SLC22A25: variants seen among roughly 807,000 people sequenced by gnomAD.
SLC22A25 encodes MGI:2442751, MGI:2385316, MGI:3042283, MGI:3645714, MGI:3605624, MGI:2442750.
A neutral mutation model predicts 45.9 loss-of-function variants in SLC22A25; 44 were observed. The observed-to-expected ratio is 0.96, with a 90% CI of 0.75 to 1.23. The LOEUF (loss-of-function observed/expected upper bound fraction) is 1.23. Among genes scored for constraint, SLC22A25 ranks in the 50% most tolerant of loss-of-function variants. SLC22A25 has a pLI of 0.00. For missense variants in SLC22A25, 800 were observed against 666.4 expected (o/e 1.20, Z -2.21); for synonymous variants, 283 against 238.6 (o/e 1.19, Z -1.72).
chr11:63,234,925 G>A (rs1565129103), intron 3 of SLC22A25, among the ~76,000 whole-genome samples: 1 of 152,098 alleles, frequency 6.6e-6, no homozygotes, highest in Admixed American at 6.6e-5. Context: ...ATGAAATTCT[G>A]GGTTGAAAAT....
In SLC22A25 at chr11:63,161,413, A is replaced by G. The variant is rs1744412791; in HGVS notation, c.*2411T>C. Among the ~76,000 whole-genome samples, 1 of 152,132 alleles carries G rather than the reference A, an allele frequency of 6.6e-6. No homozygotes were observed. The highest frequency in any genetic ancestry group is 1.5e-5 in the Non-Finnish European group (1 of 67,992). On this transcript the variant is annotated 3_prime_UTR_variant, in exon 12 of 12. Coordinates refer to ENST00000306494, the MANE Select transcript of SLC22A25 (RefSeq NM_199352.6). Reference sequence around the variant, plus strand: ...GAGGACATGAGATTTGGGAGGGGCCAGGGGCAGAATGATATGGTTTGACTG... The same window carrying G: ...GAGGACATGAGATTTGGGAGGGGCCGGGGGCAGAATGATATGGTTTGACTG...
intron 3 of SLC22A25, among the ~76,000 whole-genome samples, chr11:63,234,626 AG>A (rs2090131205): frequency 6.6e-6 from 1 of 152,204 alleles, no homozygotes; most frequent in South Asian, 2.1e-4. Context: ...TGGAGCATTT[AG>A]CCCATTTACA....
At chr11:63,173,244 C>T (rs965467964) in intron 9 of SLC22A25, among the ~76,000 whole-genome samples, 2 of 151,954 alleles carry the variant, frequency 1.3e-5, no homozygotes, top group African/African-American at 4.8e-5. Flanking sequence ...GGTGGGAGAG[C>T]ATTGGGACAA....
At chr11:63,204,541 A>G (rs995700637) in intron 7 of SLC22A25, among the ~76,000 whole-genome samples, 1 of 152,198 alleles carries the variant, frequency 6.6e-6, no homozygotes, top group African/African-American at 2.4e-5. Flanking sequence ...CTTTAAACCA[A>G]AAAAGATCAA....
At position 63,161,115 on chromosome 11, in the gene SLC22A25, A is replaced by G. The variant is rs1939762; in HGVS notation, c.*2709T>C. Among the ~76,000 whole-genome samples, 152,210 of 152,278 alleles carry G rather than the reference A, an allele frequency of 1. 76,072 individuals are homozygous for G. Among genetic ancestry groups the G allele is most frequent in the Non-Finnish European group, 1 (68,040 of 68,040 alleles). On this transcript the variant is annotated 3_prime_UTR_variant, in exon 12 of 12. Coordinates refer to ENST00000306494, the MANE Select transcript of SLC22A25 (RefSeq NM_199352.6). Reference sequence around the variant, plus strand: ...TGAGGCCTCACAATCATGGTGGAAGACGATTCCCATGTAGTCAGTGCCTTT... The same window carrying G: ...TGAGGCCTCACAATCATGGTGGAAGGCGATTCCCATGTAGTCAGTGCCTTT...
chr11:63,200,949 A>G (rs1259701488), intron 7 of SLC22A25, among the ~76,000 whole-genome samples: 1 of 152,216 alleles, frequency 6.6e-6, no homozygotes, highest in African/African-American at 2.4e-5. Context: ...ACAGCTAACT[A>G]AGGAGGTGAA....
At chr11:63,225,092 C>G (rs1340211006) in intron 5 of SLC22A25, among the ~76,000 whole-genome samples, 2 of 151,902 alleles carry the variant, frequency 1.3e-5, no homozygotes, top group East Asian at 3.9e-4. Flanking sequence ...GAGCAAGACT[C>G]CGTCTCAAAA....
At chr11:63,174,901 G>C (rs183150962) in intron 9 of SLC22A25, among the ~76,000 whole-genome samples, 1 of 152,124 alleles carries the variant, frequency 6.6e-6, no homozygotes, top group Admixed American at 6.6e-5. Context: ...TTGTCCTTCT[G>C]TCCTGGCATA....
rs372166969 is a variant in SLC22A25, at chr11:63,189,263, C to G, written c.831-5446G>C. The stretch of plus-strand genomic sequence containing the variant: ...GCACATATATATTTAGGATAGTTAG[C>G]TCTTCTTGTTGAATTGACCCCTTTA... On this transcript the variant is annotated intron_variant, in intron 7 of 11. Coordinates refer to ENST00000306494, the MANE Select transcript of SLC22A25 (RefSeq NM_199352.6). Among the ~76,000 whole-genome samples the G allele has an allele frequency of 4.2e-4, 64 of 152,288 alleles. 1 individual carries two copies. In the East Asian group the frequency reaches 0.012, roughly 29 times the overall value.
chr11:63,170,851 GACACAA>G (rs781201079), intron 9 of SLC22A25, among the ~76,000 whole-genome samples: 45 of 150,798 alleles, frequency 3.0e-4, no homozygotes, highest in Non-Finnish European at 5.7e-4. Flanking sequence ...ACCTGGCAGA[GACACAA>G]CCAGAAAAGA....
chr11:63,240,697 T>C (rs1419232073), intron 1 of SLC22A25, among the ~76,000 whole-genome samples: 1 of 152,218 alleles, frequency 6.6e-6, no homozygotes, highest in East Asian at 1.9e-4. Flanking sequence ...AAGACCAAAC[T>C]CTCACATTGG....
chr11:63,237,061 T>A lies in SLC22A25; in HGVS notation c.-445+820A>T, dbSNP rs1266385027. Among the ~76,000 whole-genome samples the A allele has an allele frequency of 2.0e-5, 3 of 152,320 alleles. No individual in the cohort carries two copies. In the South Asian group the frequency reaches 6.2e-4, roughly 32 times the overall value. ...AACTCATGTTGAAATTTAATTGCTA[T>A]TGTGATTGTATTAAGAGGTGGTGCA... On this transcript the variant is annotated intron_variant, in intron 3 of 11. Coordinates refer to ENST00000306494, the MANE Select transcript of SLC22A25 (RefSeq NM_199352.6).
Position 63,167,872 on chromosome 11 carries a change from A to G in SLC22A25, c.1071-1614T>C, listed in dbSNP as rs141123194. On this transcript the variant is annotated intron_variant, in intron 9 of 11. Transcript: ENST00000306494. Reference sequence around the variant, plus strand: ...CTAACACCTGTGCCTCCTGACTGGGAGACACTTCCCAGCAGGGGTCAACAG... The same window carrying G: ...CTAACACCTGTGCCTCCTGACTGGGGGACACTTCCCAGCAGGGGTCAACAG... 3.1e-4 allele frequency: 86 copies of G among 279,796 alleles called. 3 individuals are homozygous for G. Among genetic ancestry groups the G allele is most frequent in the East Asian group, 1.8e-3 (12 of 6,856 alleles). The allele number at this position is 279,796 out of a possible 1,614,324, so 17.3% of individuals were successfully genotyped here. A position where few individuals can be genotyped will look rare whatever the true frequency, so the allele number is the denominator to read the frequency against.
intron 9 of SLC22A25, among the ~76,000 whole-genome samples, chr11:63,177,940 C>T (rs1179917253): frequency 8.1e-6 from 1 of 123,656 alleles, no homozygotes; most frequent in Non-Finnish European, 1.8e-5. Flanking sequence ...GGGTCTCACT[C>T]TGTCTTAAAA....
chr11:63,183,859 A>G, intron 7 of SLC22A25, 42 bp from the exon 8 acceptor site: 1 of 1,610,010 alleles, frequency 6.2e-7, no homozygotes, highest in Non-Finnish European at 8.5e-7. Context: ...ACCACTACTT[A>G]CTCATTTTTT....
intron 7 of SLC22A25, among the ~76,000 whole-genome samples, chr11:63,186,452 T>C (rs1242864195): frequency 6.0e-5 from 9 of 150,416 alleles, no homozygotes; most frequent in Admixed American, 6.0e-4. Flanking sequence ...TAGCCCTTTG[T>C]CAGATGAGTA....
chr11:63,189,958 C>T (rs1565085423), intron 7 of SLC22A25, among the ~76,000 whole-genome samples: 1 of 152,236 alleles, frequency 6.6e-6, no homozygotes, highest in Non-Finnish European at 1.5e-5. Context: ...CCCAAGCTTT[C>T]TGTCTGGCTG....
chr11:63,236,887 GT>G (rs1380949102), intron 3 of SLC22A25, among the ~76,000 whole-genome samples: 2 of 152,038 alleles, frequency 1.3e-5, no homozygotes, highest in African/African-American at 4.8e-5. Flanking sequence ...CTATCTACCG[GT>G]TCCCCTGTCT....
At chr11:63,169,642 A>G (rs190343637) in intron 9 of SLC22A25, among the ~76,000 whole-genome samples, 79 of 152,328 alleles carry the variant, frequency 5.2e-4, no homozygotes, top group Non-Finnish European at 9.4e-4. Context: ...CACACACAAC[A>G]CAGGAGCACC....
Sources: gnomAD v4.1 joint callset for allele counts (sites outside exome capture counted in the v4.1 genomes callset) on GRCh38, gnomAD v4.1.1 for gene constraint, MANE v1.5 for transcripts, NCBI Gene and HGNC (gene_info 2026-07-23, HGNC 2026-07-21) for gene names.